Variants in C3orf52 observed in about 807,000 individuals in gnomAD.
C3orf52 encodes the protein chromosome 3 open reading frame 52, also known as TPA-induced transmembrane protein.
Under a neutral mutation model 24.8 loss-of-function variants are expected in C3orf52, and 22 were observed. That is an observed-to-expected ratio of 0.89 (90% CI 0.63 to 1.27). C3orf52 has a LOEUF of 1.27. C3orf52 is among the 50% of genes most tolerant of loss of function. The probability of loss-of-function intolerance (pLI) is 0.00; values close to 1 mark genes in which losing one functional copy is unlikely to be tolerated. For synonymous variants in C3orf52, 93 were observed against 100.2 expected (o/e 0.93, Z 0.43); for missense variants, 265 against 260.7 (o/e 1.02, Z -0.11).
chr3:112,110,438 C>T (rs773553648), intron 4 of C3orf52, among the ~76,000 whole-genome samples: 5 of 152,210 alleles, frequency 3.3e-5, no homozygotes, highest in Non-Finnish European at 5.9e-5. Context: ...ATAACTAATG[C>T]CATTCCCTTC....
chr3:112,126,998 G>A (rs745893410), intron 4 of C3orf52: 1 of 1,588,838 alleles, frequency 6.3e-7, no homozygotes, highest in Non-Finnish European at 8.6e-7. Context: ...TTCGTTTTGG[G>A]AATCTTGCCT....
At chr3:112,115,215 G>T (rs897988024) in intron 5 of C3orf52, among the ~76,000 whole-genome samples, 3 of 152,208 alleles carry the variant, frequency 2.0e-5, no homozygotes, top group Admixed American at 1.3e-4. Flanking sequence ...GAGTGTCACT[G>T]CCCTCTCAAA....
intron 2 of C3orf52, among the ~76,000 whole-genome samples, chr3:112,094,793 AT>A (rs995476130): frequency 5.3e-5 from 8 of 152,100 alleles, no homozygotes; most frequent in Non-Finnish European, 1.2e-4. Context: ...AATTGTTTTT[AT>A]TTATATGTGG....
At chr3:112,099,991 C>T (rs758141244) in intron 2 of C3orf52, among the ~76,000 whole-genome samples, 3 of 152,228 alleles carry the variant, frequency 2.0e-5, no homozygotes, top group Non-Finnish European at 2.9e-5. Context: ...AAATAGCCAA[C>T]AGGAGTTCAG....
chr3:112,105,080 G>C (rs951690175), intron 3 of C3orf52, among the ~76,000 whole-genome samples: 1 of 152,152 alleles, frequency 6.6e-6, no homozygotes, highest in Non-Finnish European at 1.5e-5. Context: ...AGTCAGATAT[G>C]AGGAAATTCT....
chr3:112,116,612 A>G lies in C3orf52; in HGVS notation c.650-30A>G. The G allele has an allele frequency of 2.6e-6, 4 of 1,514,872 alleles. No homozygotes were observed. The South Asian group carries it at 5.2e-5, about 20-fold the overall frequency. 93.8% of individuals were successfully genotyped at this position (1,514,872 alleles called of 1,614,324 possible). ...TTTAATAGTGGTTTTAAAAATCAGT[A>G]ACTTTTGTTCATCTGTGTTTTCTTT... On this transcript the variant is annotated intron_variant, in intron 5 of 5. Transcript: ENST00000264848.
chr3:112,119,825 G>C (rs968729725), downstream of C3orf52, among the ~76,000 whole-genome samples: 1 of 152,198 alleles, frequency 6.6e-6, no homozygotes, highest in African/African-American at 2.4e-5. Flanking sequence ...GCTTCAAAAG[G>C]CACCTCCCTC....
intron 4 of C3orf52, among the ~76,000 whole-genome samples, chr3:112,124,706 T>C (rs566357626): frequency 6.6e-6 from 1 of 152,308 alleles, no homozygotes; most frequent in East Asian, 1.9e-4. Flanking sequence ...TGTTATTAAA[T>C]AGGGAAGCGA....
At chr3:112,130,664 C>T (rs1323315997), downstream of C3orf52, 1 of 695,250 alleles carries the variant, frequency 1.4e-6, no homozygotes. Flanking sequence ...ACTGTTTCCT[C>T]AAGCACATGT....
downstream of C3orf52, chr3:112,133,072 C>T (rs545142810): frequency 6.2e-7 from 1 of 1,612,152 alleles, no homozygotes; most frequent in African/African-American, 1.3e-5. Flanking sequence ...TCTGCTCTCC[C>T]ACAGGGAGTC....
intron 4 of C3orf52, chr3:112,125,346 C>A: frequency 1.2e-6 from 1 of 868,094 alleles, no homozygotes. Flanking sequence ...AACTAAAAAG[C>A]CAAGAAACAG....
At chr3:112,133,129 TC>T, downstream of C3orf52, 2 of 1,613,880 alleles carry the variant, frequency 1.2e-6, no homozygotes, top group African/African-American at 1.3e-5. Flanking sequence ...ATCCTCTCAG[TC>T]CTCTCAGGGC....
downstream of C3orf52, among the ~76,000 whole-genome samples, chr3:112,131,575 C>T (rs542334741): frequency 6.6e-6 from 1 of 152,296 alleles, no homozygotes; most frequent in South Asian, 2.1e-4. Context: ...AATCCTCCTG[C>T]CTCAGCCTCC....
At chr3:112,125,123 T>C in intron 4 of C3orf52, 1 of 786,020 alleles carries the variant, frequency 1.3e-6, no homozygotes, top group Non-Finnish European at 2.3e-6. Flanking sequence ...TCTTTCTCCA[T>C]GTAAGGGTCA....
chr3:112,123,710 G>A, intron 4 of C3orf52: 1 of 1,614,138 alleles, frequency 6.2e-7, no homozygotes, highest in Non-Finnish European at 8.5e-7. Context: ...GCCTTGTACA[G>A]AGAACCCGAT....
At chr3:112,110,118 T>C (rs2074064698) in intron 4 of C3orf52, among the ~76,000 whole-genome samples, 1 of 152,070 alleles carries the variant, frequency 6.6e-6, no homozygotes, top group South Asian at 2.1e-4. Flanking sequence ...TCACTTGAGG[T>C]CAGGAGTTCA....
chr3:112,094,869 C>T lies in C3orf52; in HGVS notation c.268+1380C>T, dbSNP rs75397278. ...TCCCGAGCATGATCCAGCCTTCATG[C>T]GGCATGGGTTGAGTCCAGCTCCCAG... On this transcript the variant is annotated intron_variant, in intron 2 of 5. Coordinates refer to ENST00000264848, the MANE Select transcript of C3orf52 (RefSeq NM_024616.3). Among the ~76,000 whole-genome samples, 153 of 152,232 alleles carry T rather than the reference C, an allele frequency of 1.0e-3. 4 individuals are homozygous for T. In the East Asian group the frequency reaches 0.027, roughly 27 times the overall value.
chr3:112,128,722 T>C (rs1492484), exon 5 of C3orf52: 63,729 of 160,998 alleles, frequency 0.4, 12,636 homozygotes, highest in Admixed American at 0.45. Flanking sequence ...ACTCCAACGA[T>C]ATAGTTAAAT....
At chr3:112,103,236 G>C (rs1460964776) in intron 3 of C3orf52, among the ~76,000 whole-genome samples, 11 of 152,084 alleles carry the variant, frequency 7.2e-5, no homozygotes, top group Non-Finnish European at 1.6e-4. Flanking sequence ...AAGAGGGAGA[G>C]GAGCAGGAAA....
Sources: allele counts gnomAD v4.1 joint callset (sites outside exome capture counted in the v4.1 genomes callset), GRCh38; gene constraint gnomAD v4.1.1; transcripts MANE v1.5; gene names NCBI Gene and HGNC (gene_info 2026-07-23, HGNC 2026-07-21).